LHX9: variants seen among roughly 807,000 people sequenced by gnomAD.
LHX9 encodes the protein LIM/homeobox protein Lhx9.
LHX9 carries 9 observed loss-of-function variants against 36.5 expected under a neutral mutation model. That is an observed-to-expected ratio of 0.25 (90% CI 0.15 to 0.43). LHX9 has a LOEUF of 0.43. Ranked by LOEUF, LHX9 falls within the 20% of genes least tolerant of loss-of-function variation. LHX9 has a pLI of 1.00. For synonymous variants in LHX9, 211 were observed against 212.1 expected (o/e 0.99, Z 0.04); for missense variants, 464 against 526.4 (o/e 0.88, Z 1.16).
At chr1:197,914,970 C>T (rs1398814866), upstream of LHX9, among the ~76,000 whole-genome samples, 1 of 151,696 alleles carries the variant, frequency 6.6e-6, no homozygotes, top group Non-Finnish European at 1.5e-5. Context: ...GATTGGAGGG[C>T]TTACAAAACC....
intron 4 of LHX9, among the ~76,000 whole-genome samples, chr1:197,928,575 T>C (rs962477669): frequency 2.0e-5 from 3 of 152,246 alleles, no homozygotes; most frequent in Non-Finnish European, 4.4e-5. Context: ...GTTTCAGTGA[T>C]GTCCATTTCA....
chr1:197,917,160 C>T, upstream of LHX9: 1 of 854,584 alleles, frequency 1.2e-6, no homozygotes, highest in Non-Finnish European at 1.4e-6. Context: ...GGTAAATGCC[C>T]CCTCCTCCTG....
intron 3 of LHX9, among the ~76,000 whole-genome samples, chr1:197,923,468 C>G (rs1220279306): frequency 6.6e-6 from 1 of 150,658 alleles, no homozygotes; most frequent in Admixed American, 6.6e-5. Context: ...ATTGGAATCT[C>G]AAGCCACTCA....
At chr1:197,922,511 GC>G (rs1660023779) in intron 3 of LHX9, among the ~76,000 whole-genome samples, 1 of 152,116 alleles carries the variant, frequency 6.6e-6, no homozygotes, top group African/African-American at 2.4e-5. Flanking sequence ...TTGGTAGCCT[GC>G]CCCCACTCCC....
upstream of LHX9, chr1:197,912,888 C>G: frequency 5.3e-6 from 2 of 376,974 alleles, no homozygotes; most frequent in Non-Finnish European, 4.8e-6. Context: ...TCCTGACCCT[C>G]CGGGGAGCTG....
At chr1:197,919,106 C>T (rs1181177355) in intron 1 of LHX9, among the ~76,000 whole-genome samples, 1 of 152,246 alleles carries the variant, frequency 6.6e-6, no homozygotes, top group Non-Finnish European at 1.5e-5. Flanking sequence ...CGGAGGTTAA[C>T]TCCTTTTCCC....
chr1:197,914,385 T>C (rs1659691946), upstream of LHX9, among the ~76,000 whole-genome samples: 1 of 126,080 alleles, frequency 7.9e-6, no homozygotes. Context: ...AGACTACAGC[T>C]GGGAGAAGGG....
At chr1:197,918,447 C>T in intron 1 of LHX9, 1 of 710,664 alleles carries the variant, frequency 1.4e-6, no homozygotes, top group South Asian at 1.5e-5. Context: ...GATGACCGGA[C>T]CTGTGGAGTA....
At chr1:197,928,933 AGT>A (rs1660234419) in intron 4 of LHX9, 67 bp from the exon 5 acceptor site, 2 of 1,419,732 alleles carry the variant, frequency 1.4e-6, no homozygotes, top group Admixed American at 2.7e-5. Flanking sequence ...AAAAAGAAAA[AGT>A]GAGAGAGAAA....
upstream of LHX9, chr1:197,912,511 TC>T: frequency 6.2e-7 from 1 of 1,614,090 alleles, no homozygotes. Context: ...TACGGCGTGA[TC>T]CACTCCTTTT....
chr1:197,914,095 G>A (rs947737853), upstream of LHX9, among the ~76,000 whole-genome samples: 5 of 152,186 alleles, frequency 3.3e-5, no homozygotes, highest in Non-Finnish European at 5.9e-5. Flanking sequence ...CTCCACTATA[G>A]TCCGGCCGTC....
chr1:197,923,840 C>T (rs1318316232), intron 3 of LHX9, among the ~76,000 whole-genome samples: 3 of 152,128 alleles, frequency 2.0e-5, no homozygotes, highest in Non-Finnish European at 4.4e-5. Context: ...AATGCTGCTA[C>T]AAGTTGTTGT....
rs1346189696 is a variant in LHX9, at chr1:197,917,382, C to A, written c.-442C>A. Reference sequence around the variant, plus strand: ...AGCTCAGGCAGGAGCAGTCCCCAACCCAATCTACAGGCACTGGGAACTTGC... The same window carrying A: ...AGCTCAGGCAGGAGCAGTCCCCAACACAATCTACAGGCACTGGGAACTTGC... On this transcript the variant is annotated 5_prime_UTR_variant, in exon 1 of 5. Transcript: ENST00000367387. The A allele has an allele frequency of 7.7e-7, 1 of 1,306,518 alleles. No individual in the cohort carries two copies. Among genetic ancestry groups the A allele is most frequent in the African/African-American group, 1.5e-5 (1 of 65,792 alleles). 80.9% of individuals were successfully genotyped at this position (1,306,518 alleles called of 1,614,324 possible). A position where few individuals can be genotyped will look rare whatever the true frequency, so the allele number is the denominator to read the frequency against.
Position 197,932,139 on chromosome 1 carries a change from C to A in LHX9, c.*2880C>A. 1.9e-6 allele frequency: 1 copy of A among 539,676 alleles called. No homozygotes were observed. The highest frequency in any genetic ancestry group is 2.9e-5 in the East Asian group (1 of 35,026). The allele number at this position is 539,676 out of a possible 1,614,324, so 33.4% of individuals were successfully genotyped here. On this transcript the variant is annotated 3_prime_UTR_variant, in exon 5 of 5. Coordinates refer to ENST00000367387, the MANE Select transcript of LHX9 (RefSeq NM_020204.3). ...ACTGAATGTTAACGAAACTTGTGTT[C>A]TTTATGGTGTCTAACACAACTGAAG...
rs1294238580 is a variant in LHX9 at position 197,933,972 on chromosome 1, G to A, written c.*4713G>A. On this transcript the variant is annotated 3_prime_UTR_variant, in exon 5 of 5. Coordinates refer to ENST00000367387, the MANE Select transcript of LHX9 (RefSeq NM_020204.3). ...CATAGCTTCTACCTCCCAGTTGCCTGGGTTAGTCTAACTTCTGGCAGATTG... is the reference window on the plus strand; with the variant it reads ...CATAGCTTCTACCTCCCAGTTGCCTAGGTTAGTCTAACTTCTGGCAGATTG... 6.6e-6 allele frequency: 1 copy of A among 152,182 alleles called. No homozygotes were observed. The highest frequency in any genetic ancestry group is 1.5e-5 in the Non-Finnish European group (1 of 68,034). 9.4% of individuals were successfully genotyped at this position (152,182 alleles called of 1,614,324 possible). A position where few individuals can be genotyped will look rare whatever the true frequency, so the allele number is the denominator to read the frequency against.
At chr1:197,912,580 C>T (rs1224439222), upstream of LHX9, 14 of 1,613,628 alleles carry the variant, frequency 8.7e-6, no homozygotes, top group Non-Finnish European at 1.1e-5. Flanking sequence ...TGCCAGGTTC[C>T]TTCTGATGTT....
chr1:197,929,452 G>C lies in LHX9; in HGVS notation c.*193G>C, dbSNP rs752136099. ...GAGTTTACAGTATTGTCTCCTTTAA[G>C]TGAATATATTTTGTCTACAAAGTGT... is the stretch of plus-strand genomic sequence containing the variant. On this transcript the variant is annotated 3_prime_UTR_variant, in exon 5 of 5. Transcript: ENST00000367387. The C allele has an allele frequency of 3.5e-5, 38 of 1,089,434 alleles. No homozygotes were observed. The highest frequency in any genetic ancestry group is 4.5e-5 in the South Asian group (1 of 22,132). 67.5% of individuals were successfully genotyped at this position (1,089,434 alleles called of 1,614,324 possible).
chr1:197,917,840 G>A lies in LHX9; in HGVS notation c.17G>A (p.Cys6Tyr). 1 of 1,614,208 alleles carries A rather than the reference G, an allele frequency of 6.2e-7. No individual in the cohort carries two copies. The highest frequency in any genetic ancestry group is 8.5e-7 in the Non-Finnish European group (1 of 1,180,026). MEIVGCRAEDNSCPFR... is the reference protein window; with the variant it reads MEIVGYRAEDNSCPFR... Reference sequence around the variant, plus strand: ...CGTGTGTATATGGAAATAGTGGGGTGCCGAGCAGAAGACAACTCGTGTCCT... The same window carrying A: ...CGTGTGTATATGGAAATAGTGGGGTACCGAGCAGAAGACAACTCGTGTCCT... The change falls in exon 1 of 5, where the codon TGC becomes TAC. Residue 6 changes from cysteine (C) to tyrosine (Y), a missense_variant. Physicochemically the swap from Cys to Tyr is radical, Grantham distance 194. This residue lies in a region of LHX9 where 119 missense variants were observed against 102.4 expected (regional missense o/e 1.16). Transcript: ENST00000367387.
rs74134514 is a variant in LHX9 at position 197,923,921 on chromosome 1, T to G, written c.733+2262T>G. Among the ~76,000 whole-genome samples the G allele has an allele frequency of 6.0e-3, 909 of 152,272 alleles. 5 individuals are homozygous for G. Among genetic ancestry groups the G allele is most frequent in the African/African-American group, 0.021 (873 of 41,542 alleles). ...TTAGGCCCCCTTAGCCCGAAGAGTT[T>G]GTACCTCGCACCACTACAAACTGGA... On this transcript the variant is annotated intron_variant, in intron 3 of 4. Transcript: ENST00000367387.
Sources: allele counts gnomAD v4.1 joint callset (sites outside exome capture counted in the v4.1 genomes callset), GRCh38; gene constraint gnomAD v4.1.1; regional missense constraint gnomAD v4.1.1; transcripts MANE v1.5; gene names NCBI Gene and HGNC (gene_info 2026-07-23, HGNC 2026-07-21).